FAM107A: variants seen among roughly 807,000 people sequenced by gnomAD.
FAM107A encodes the protein actin-associated protein FAM107A.
FAM107A carries 19 observed loss-of-function variants against 13.7 expected under a neutral mutation model. The observed-to-expected ratio is 1.38, with a 90% CI of 0.97 to 2.03. The LOEUF is 2.03. FAM107A is among the 30% of genes most tolerant of loss of function. The probability of loss-of-function intolerance (pLI) is 0.00; values close to 1 mark genes in which losing one functional copy is unlikely to be tolerated. For synonymous variants in FAM107A, 82 were observed against 74.5 expected (o/e 1.10, Z -0.52); for missense variants, 203 against 184.4 (o/e 1.10, Z -0.58).
upstream of FAM107A, chr3:58,589,261 G>C (rs1220344695): frequency 6.5e-7 from 1 of 1,533,882 alleles, no homozygotes; most frequent in South Asian, 1.2e-5. Flanking sequence ...CCTGAGGAGA[G>C]TATGTTTTCT....
chr3:58,611,670 T>C (rs563763570), intron 1 of FAM107A, among the ~76,000 whole-genome samples: 50 of 152,308 alleles, frequency 3.3e-4, no homozygotes, highest in African/African-American at 1.2e-3. Flanking sequence ...GAAAGAGTTC[T>C]GGGACGGCTG....
chr3:58,610,099 G>A (rs576423997), intron 1 of FAM107A, among the ~76,000 whole-genome samples: 6 of 152,272 alleles, frequency 3.9e-5, no homozygotes, highest in East Asian at 3.9e-4. Flanking sequence ...GCTGAATTAC[G>A]TGCAGGATAG....
Position 58,566,357 on chromosome 3 carries a change from G to T in FAM107A, c.*231C>A, listed in dbSNP as rs2063620890. ...TGAACCCCTTGCAGGGAGGGGTGCAGGTTATCCCTCTTGGAGCAGGAGGGC... is the reference window on the plus strand; with the variant it reads ...TGAACCCCTTGCAGGGAGGGGTGCATGTTATCCCTCTTGGAGCAGGAGGGC... On this transcript the variant is annotated 3_prime_UTR_variant, in exon 4 of 4. Transcript: ENST00000360997. 3.8e-6 allele frequency: 2 copies of T among 527,884 alleles called. No individual in the cohort carries two copies. Among genetic ancestry groups the T allele is most frequent in the South Asian group, 6.1e-5 (2 of 32,986 alleles). 32.7% of individuals were successfully genotyped at this position (527,884 alleles called of 1,614,324 possible).
chr3:58,615,945 CAGA>C (rs1559487371), intron 1 of FAM107A, among the ~76,000 whole-genome samples: 1 of 146,704 alleles, frequency 6.8e-6, no homozygotes, highest in East Asian at 2.0e-4. Context: ...GAGCTGAAAC[CAGA>C]AGGAGTCAAT....
intron 1 of FAM107A, among the ~76,000 whole-genome samples, chr3:58,602,689 A>T (rs186717670): frequency 2.0e-4 from 30 of 152,310 alleles, no homozygotes; most frequent in Admixed American, 1.9e-3. Flanking sequence ...AAATTAAGTG[A>T]AAAAAACAGG....
chr3:58,583,394 G>A (rs1473501662), intron 1 of FAM107A, among the ~76,000 whole-genome samples: 1 of 152,144 alleles, frequency 6.6e-6, no homozygotes, highest in Non-Finnish European at 1.5e-5. Flanking sequence ...AGGCCAAGGC[G>A]GGTGGATGAC....
At chr3:58,614,599 G>A (rs976335068) in intron 1 of FAM107A, among the ~76,000 whole-genome samples, 6 of 151,726 alleles carry the variant, frequency 4.0e-5, no homozygotes, top group Non-Finnish European at 8.8e-5. Context: ...CCGCCTCCTG[G>A]GTTCAAGCGA....
chr3:58,595,700 G>GCAAA, intron 1 of FAM107A, among the ~76,000 whole-genome samples: 1 of 150,978 alleles, frequency 6.6e-6, no homozygotes, highest in Non-Finnish European at 1.5e-5. Flanking sequence ...CTTGTTGCGT[G>GCAAA]CACACACACA....
upstream of FAM107A, among the ~76,000 whole-genome samples, chr3:58,590,857 C>A (rs1056613359): frequency 3.3e-5 from 5 of 152,204 alleles, no homozygotes; most frequent in African/African-American, 1.2e-4. Flanking sequence ...AAGTCGTTCT[C>A]CACAAAGACT....
chr3:58,611,617 G>T (rs1275255338), intron 1 of FAM107A, among the ~76,000 whole-genome samples: 2 of 152,216 alleles, frequency 1.3e-5, no homozygotes, highest in South Asian at 2.1e-4. Context: ...CCCACCCACT[G>T]CACTGGGCAG....
intron 1 of FAM107A, among the ~76,000 whole-genome samples, chr3:58,571,981 A>G (rs1236140320): frequency 6.6e-6 from 1 of 152,214 alleles, no homozygotes; most frequent in Non-Finnish European, 1.5e-5. Context: ...AACTTTAGGA[A>G]AGGAGATGGC....
chr3:58,603,299 G>C (rs4464476), intron 1 of FAM107A, among the ~76,000 whole-genome samples: 1 of 152,056 alleles, frequency 6.6e-6, no homozygotes, highest in Admixed American at 6.5e-5. Flanking sequence ...AATGATGTTC[G>C]TATACTGAAC....
At chr3:58,603,169 A>G (rs141238600) in intron 1 of FAM107A, among the ~76,000 whole-genome samples, 1 of 152,326 alleles carries the variant, frequency 6.6e-6, no homozygotes, top group East Asian at 1.9e-4. Flanking sequence ...AACTGTATTA[A>G]GCAGTCTAAA....
intron 1 of FAM107A, among the ~76,000 whole-genome samples, chr3:58,609,562 A>G (rs2065833433): frequency 6.6e-6 from 1 of 152,212 alleles, no homozygotes; most frequent in African/African-American, 2.4e-5. Context: ...CAGTCAACAA[A>G]TATTAGTCAG....
At chr3:58,620,806 G>C (rs2065947740) in intron 1 of FAM107A, among the ~76,000 whole-genome samples, 1 of 152,196 alleles carries the variant, frequency 6.6e-6, no homozygotes. Flanking sequence ...AACCCAGCTT[G>C]GGGAAGGCCA....
At position 58,613,295 on chromosome 3, in the gene FAM107A, T is replaced by C. The variant is rs60173491; in HGVS notation, c.-70+14121A>G. Among the ~76,000 whole-genome samples the C allele has an allele frequency of 0.022, 3,322 of 152,282 alleles. 120 individuals are homozygous for C. Among genetic ancestry groups the C allele is most frequent in the African/African-American group, 0.075 (3,109 of 41,540 alleles). On this transcript the variant is annotated intron_variant, in intron 1 of 3. Coordinates refer to the FAM107A transcript ENST00000465970. The surrounding 1 kb of genome is among the most constrained non-coding windows in gnomAD (Gnocchi z 4.6). The stretch of plus-strand genomic sequence containing the variant: ...GAGGTGGCCAAGGTTACAGAGCTAG[T>C]GAGATGGGGAGCAGGAGTCAAACTG...
intron 1 of FAM107A, among the ~76,000 whole-genome samples, chr3:58,583,730 G>A (rs1487670795): frequency 6.6e-6 from 1 of 151,844 alleles, no homozygotes; most frequent in African/African-American, 2.4e-5. Context: ...GCTCAGGCTG[G>A]AGGGCAGTGG....
At chr3:58,566,833 G>T (rs1266678433) in intron 3 of FAM107A, 138 bp from the exon 4 acceptor site, 1 of 679,048 alleles carries the variant, frequency 1.5e-6, no homozygotes, top group Non-Finnish European at 2.6e-6. Flanking sequence ...TATCAGCCTG[G>T]TAGCTGGGGC....
At chr3:58,601,856 C>G (rs2065755283) in intron 1 of FAM107A, among the ~76,000 whole-genome samples, 1 of 152,152 alleles carries the variant, frequency 6.6e-6, no homozygotes. Flanking sequence ...GGAATTTTGG[C>G]AAAAACTGAT....
Sources: allele counts gnomAD v4.1 joint callset (sites outside exome capture counted in the v4.1 genomes callset), GRCh38; gene constraint gnomAD v4.1.1; non-coding constraint Gnocchi (gnomAD v3.1); transcripts MANE v1.5; gene names NCBI Gene and HGNC (gene_info 2026-07-23, HGNC 2026-07-21).